Variants in GALNT17 observed in about 807,000 individuals in gnomAD.
GALNT17 encodes polypeptide N-acetylgalactosaminyltransferase 17.
In GALNT17, 29 loss-of-function variants were observed where a neutral mutation model predicts 63.7. The observed-to-expected ratio is 0.46, with a 90% CI of 0.34 to 0.62. The LOEUF (loss-of-function observed/expected upper bound fraction) is 0.62. GALNT17 is among the 20% of genes least tolerant of loss of function. The pLI is 0.01. For missense variants in GALNT17, 603 were observed against 799.6 expected, an observed-to-expected ratio of 0.75 and a Z score of 2.97; for synonymous variants, 305 against 318.3, an observed-to-expected ratio of 0.96 and a Z score of 0.45.
chr7:71,169,029 G>T (rs1788497527), intron 1 of GALNT17, among the ~76,000 whole-genome samples: 1 of 152,066 alleles, frequency 6.6e-6, no homozygotes, highest in Non-Finnish European at 1.5e-5. Flanking sequence ...CTAATCCTTT[G>T]GGGTGGGTCC....
At chr7:71,261,430 G>A (rs1469892734) in intron 1 of GALNT17, among the ~76,000 whole-genome samples, 1 of 152,082 alleles carries the variant, frequency 6.6e-6, no homozygotes, top group African/African-American at 2.4e-5. Context: ...AAAGGTCTGT[G>A]TTTCAGTCAG....
intron 1 of GALNT17, among the ~76,000 whole-genome samples, chr7:71,294,273 A>G (rs1331597683): frequency 2.0e-5 from 3 of 151,910 alleles, no homozygotes; most frequent in Admixed American, 2.0e-4. Context: ...TTGAGACTGG[A>G]TGTTTATTTC....
chr7:71,612,419 C>A (rs2116954615), intron 6 of GALNT17, among the ~76,000 whole-genome samples: 1 of 152,320 alleles, frequency 6.6e-6, no homozygotes, highest in East Asian at 1.9e-4. Context: ...ACGTGGACCA[C>A]CAGCATCCAG....
At chr7:71,374,644 G>A (rs1290246007) in intron 2 of GALNT17, among the ~76,000 whole-genome samples, 1 of 152,178 alleles carries the variant, frequency 6.6e-6, no homozygotes, top group African/African-American at 2.4e-5. Flanking sequence ...GACGTGGAAG[G>A]TGAAGGATTG....
At chr7:71,373,577 C>T (rs918353797) in intron 2 of GALNT17, among the ~76,000 whole-genome samples, 2 of 152,118 alleles carry the variant, frequency 1.3e-5, no homozygotes, top group Non-Finnish European at 2.9e-5. Flanking sequence ...CCTGTATTTA[C>T]AGCTGCTCCC....
intron 2 of GALNT17, among the ~76,000 whole-genome samples, chr7:71,372,093 G>C (rs376367095): frequency 7.9e-5 from 12 of 152,252 alleles, no homozygotes; most frequent in African/African-American, 2.9e-4. Flanking sequence ...TGATCTTCCC[G>C]CGGCAGCTTC....
At chr7:71,611,121 G>A (rs6970080) in intron 6 of GALNT17, among the ~76,000 whole-genome samples, 9,245 of 151,650 alleles carry the variant, frequency 0.061, 413 homozygotes, top group African/African-American at 0.13. Context: ...AGATTATCTC[G>A]CAGCAAAACC....
chr7:71,691,544 A>G (rs1191034164), intron 9 of GALNT17, among the ~76,000 whole-genome samples: 1 of 152,140 alleles, frequency 6.6e-6, no homozygotes. Flanking sequence ...TTACTGTACT[A>G]TTTCTTTCCT....
intron 5 of GALNT17, among the ~76,000 whole-genome samples, chr7:71,497,907 A>C (rs1053970523): frequency 6.6e-6 from 1 of 152,238 alleles, no homozygotes; most frequent in Admixed American, 6.5e-5. Flanking sequence ...TCCACAATGT[A>C]CTATTATTCC....
At chr7:71,635,340 TAA>T (rs1790513968) in intron 6 of GALNT17, among the ~76,000 whole-genome samples, 1 of 152,148 alleles carries the variant, frequency 6.6e-6, no homozygotes, top group South Asian at 2.1e-4. Flanking sequence ...TTACTAGACT[TAA>T]AGTCTGTATT....
At chr7:71,586,228 T>A (rs1789715369) in intron 6 of GALNT17, among the ~76,000 whole-genome samples, 2 of 152,164 alleles carry the variant, frequency 1.3e-5, no homozygotes, top group African/African-American at 2.4e-5. Context: ...CACCATAGAT[T>A]AGTTGTGTCT....
In GALNT17 at chr7:71,638,692, T is replaced by C. The variant is rs1199270030; in HGVS notation, c.1081-26719T>C. ...GTTTATCAAGGTCTAATCAGACAGG[T>C]CTTTTGGTATTCTGGTTTTAGCACC... On this transcript the variant is annotated intron_variant, in intron 6 of 10. Transcript: ENST00000333538. 2.0e-5 allele frequency among the ~76,000 whole-genome samples: 3 copies of C among 152,292 alleles called. No individual in the cohort carries two copies. In the East Asian group the frequency reaches 5.8e-4, roughly 29 times the overall value.
At chr7:71,567,778 A>G (rs1158875850) in intron 5 of GALNT17, among the ~76,000 whole-genome samples, 1 of 152,040 alleles carries the variant, frequency 6.6e-6, no homozygotes, top group Non-Finnish European at 1.5e-5. Context: ...TAGAGATTTA[A>G]CAGGAATCTA....
At chr7:71,647,062 A>ATTTAT (rs1232550101) in intron 6 of GALNT17, among the ~76,000 whole-genome samples, 1 of 141,380 alleles carries the variant, frequency 7.1e-6, no homozygotes, top group Non-Finnish European at 1.5e-5. Flanking sequence ...TGCTATTTTT[A>ATTTAT]TTTATTTTAT....
At chr7:71,362,745 C>T (rs1008953825) in intron 2 of GALNT17, among the ~76,000 whole-genome samples, 1 of 152,122 alleles carries the variant, frequency 6.6e-6, no homozygotes. Context: ...GGAAACGCTC[C>T]ACCTAACCCT....
intron 1 of GALNT17, among the ~76,000 whole-genome samples, chr7:71,285,470 C>A (rs1376825680): frequency 1.3e-5 from 2 of 152,304 alleles, no homozygotes; most frequent in East Asian, 3.9e-4. Flanking sequence ...GATTATCAGG[C>A]ATTTCACATT....
At chr7:71,311,806 C>T (rs186358567) in intron 1 of GALNT17, among the ~76,000 whole-genome samples, 133 of 152,322 alleles carry the variant, frequency 8.7e-4, no homozygotes, top group African/African-American at 2.9e-3. Context: ...AAAGATGCTA[C>T]AGCTAAGAAG....
chr7:71,266,298 A>G (rs995611074), intron 1 of GALNT17, among the ~76,000 whole-genome samples: 3 of 152,116 alleles, frequency 2.0e-5, no homozygotes, highest in South Asian at 2.1e-4. Context: ...TGTAATCCCT[A>G]TGTGTCGGAG....
intron 1 of GALNT17, among the ~76,000 whole-genome samples, chr7:71,204,736 G>C (rs576580902): frequency 6.7e-6 from 1 of 150,222 alleles, no homozygotes; most frequent in Non-Finnish European, 1.5e-5. Context: ...TGCCTACTTT[G>C]TTTTTTTTGT....
Sources: gnomAD v4.1 joint callset for allele counts (sites outside exome capture counted in the v4.1 genomes callset) on GRCh38, gnomAD v4.1.1 for gene constraint, MANE v1.5 for transcripts, NCBI Gene and HGNC (gene_info 2026-07-23, HGNC 2026-07-21) for gene names.